Variants in EYA1 observed in about 807,000 individuals in gnomAD.
EYA1 encodes the protein EYA transcriptional coactivator and phosphatase 1, also known as protein phosphatase EYA1.
In EYA1, 16 loss-of-function variants were observed where a neutral mutation model predicts 82.0. The observed-to-expected ratio is 0.20, with a 90% CI of 0.13 to 0.30. The LOEUF (loss-of-function observed/expected upper bound fraction) is 0.30. EYA1 is among the 10% of genes least tolerant of loss of function. The pLI is 1.00. For missense variants in EYA1, 633 were observed against 730.7 expected (o/e 0.87, Z 1.54); for synonymous variants, 261 against 264.4 (o/e 0.99, Z 0.12).
intron 2 of EYA1, among the ~76,000 whole-genome samples, chr8:71,435,890 C>T (rs1260596441): frequency 6.6e-6 from 1 of 152,026 alleles, no homozygotes; most frequent in Non-Finnish European, 1.5e-5. Flanking sequence ...TAATGTTTCT[C>T]CACTCCATTG....
At chr8:71,407,086 A>C (rs1169671949) in intron 2 of EYA1, among the ~76,000 whole-genome samples, 1 of 106,820 alleles carries the variant, frequency 9.4e-6, no homozygotes, top group Admixed American at 1.0e-4. Flanking sequence ...GAGCAGCCTA[A>C]CTGGGAGGCA....
At chr8:71,422,929 T>C (rs1235309309) in intron 2 of EYA1, among the ~76,000 whole-genome samples, 1 of 152,140 alleles carries the variant, frequency 6.6e-6, no homozygotes, top group Non-Finnish European at 1.5e-5. Context: ...TCACCTGCCT[T>C]TATTAGGAAC....
chr8:71,444,116 T>G (rs1242580816), intron 2 of EYA1, among the ~76,000 whole-genome samples: 1 of 152,194 alleles, frequency 6.6e-6, no homozygotes, highest in East Asian at 1.9e-4. Flanking sequence ...TTGTGTTTAT[T>G]TACCCACCTA....
At chr8:71,371,496 A>G (rs1828078125) in intron 2 of EYA1, among the ~76,000 whole-genome samples, 1 of 152,196 alleles carries the variant, frequency 6.6e-6, no homozygotes, top group Non-Finnish European at 1.5e-5. Flanking sequence ...TGATCACTCT[A>G]AAGTAAAAAT....
chr8:71,494,048 G>C (rs1168890916), intron 2 of EYA1, among the ~76,000 whole-genome samples: 1 of 113,334 alleles, frequency 8.8e-6, no homozygotes, highest in East Asian at 2.5e-4. Context: ...AAAAAAAAGA[G>C]GCTTTTTATG....
chr8:71,294,411 G>C (rs1421274470), intron 9 of EYA1, among the ~76,000 whole-genome samples: 1 of 152,106 alleles, frequency 6.6e-6, no homozygotes, highest in Non-Finnish European at 1.5e-5. Flanking sequence ...AGTGAGCCGA[G>C]ATAGCGCCAC....
At chr8:71,491,871 C>CGGTATT (rs1811020208) in intron 2 of EYA1, among the ~76,000 whole-genome samples, 1 of 152,074 alleles carries the variant, frequency 6.6e-6, no homozygotes. Flanking sequence ...CTGAATATAG[C>CGGTATT]CAACACAATT....
chr8:71,264,175 T>C (rs528291783), intron 11 of EYA1, among the ~76,000 whole-genome samples: 8 of 152,346 alleles, frequency 5.3e-5, no homozygotes, highest in Admixed American at 1.3e-4. Context: ...ACTGGTGTCC[T>C]ACTGCTCTGG....
intron 9 of EYA1, among the ~76,000 whole-genome samples, chr8:71,276,244 C>T (rs1817156822): frequency 6.6e-6 from 1 of 152,148 alleles, no homozygotes; most frequent in African/African-American, 2.4e-5. Context: ...GGACAGGCAG[C>T]CAGTTGATGG....
chr8:71,302,562 C>T (rs1263959043), intron 7 of EYA1, among the ~76,000 whole-genome samples: 1 of 100,848 alleles, frequency 9.9e-6, no homozygotes, highest in Non-Finnish European at 2.6e-5. Context: ...TTAATGGCAC[C>T]CCAGTGGCTT....
chr8:71,406,521 C>T (rs565667686), intron 2 of EYA1, among the ~76,000 whole-genome samples: 5 of 152,238 alleles, frequency 3.3e-5, no homozygotes, highest in South Asian at 2.1e-4. Flanking sequence ...GTGTGTGCAC[C>T]GTGTGCGAGC....
chr8:71,269,848 G>C (rs1816302434), intron 10 of EYA1, 25 bp from the exon 11 acceptor site: 1 of 1,583,040 alleles, frequency 6.3e-7, no homozygotes, highest in African/African-American at 1.3e-5. Context: ...CCAAATCAAT[G>C]TGTCTTTGCC....
At chr8:71,506,354 C>A (rs1812192730) in intron 2 of EYA1, among the ~76,000 whole-genome samples, 2 of 152,178 alleles carry the variant, frequency 1.3e-5, no homozygotes, top group African/African-American at 4.8e-5. Flanking sequence ...CTCAAGGCTC[C>A]ATTTAACTTG....
At chr8:71,251,438 A>G (rs1397126571) in intron 11 of EYA1, among the ~76,000 whole-genome samples, 1 of 152,212 alleles carries the variant, frequency 6.6e-6, no homozygotes, top group Non-Finnish European at 1.5e-5. Context: ...ACACACAGGA[A>G]TGAAATCTAA....
intron 17 of EYA1, among the ~76,000 whole-genome samples, chr8:71,202,973 G>A (rs1464678402): frequency 6.6e-6 from 1 of 152,154 alleles, no homozygotes; most frequent in Non-Finnish European, 1.5e-5. Context: ...ATTTATAAAA[G>A]CTTCTCAGGA....
chr8:71,261,603 C>T lies in EYA1; in HGVS notation c.1050+8137G>A, dbSNP rs192909928. On this transcript the variant is annotated intron_variant, in intron 11 of 17. Coordinates refer to ENST00000340726, the MANE Select transcript of EYA1 (RefSeq NM_000503.6). The stretch of plus-strand genomic sequence containing the variant: ...CCCTTTCAACACCATGAAAATAATA[C>T]TCAAGTAGAGAATAAGAGAAAGAAC... Among the ~76,000 whole-genome samples the T allele has an allele frequency of 7.9e-5, 12 of 152,258 alleles. No individual in the cohort carries two copies. In the East Asian group the frequency reaches 2.1e-3, roughly 27 times the overall value.
intron 2 of EYA1, among the ~76,000 whole-genome samples, chr8:71,474,164 T>C (rs1338139202): frequency 1.3e-5 from 2 of 149,888 alleles, no homozygotes; most frequent in African/African-American, 4.9e-5. Flanking sequence ...AACCTGCACG[T>C]TCTGCACATG....
chr8:71,438,597 T>C (rs1457462390), intron 2 of EYA1, among the ~76,000 whole-genome samples: 1 of 152,096 alleles, frequency 6.6e-6, no homozygotes, highest in Non-Finnish European at 1.5e-5. Context: ...GACGAAATGA[T>C]AGGTGATGCC....
intron 9 of EYA1, among the ~76,000 whole-genome samples, chr8:71,296,478 A>T (rs1428513173): frequency 6.6e-6 from 1 of 151,248 alleles, no homozygotes; most frequent in Non-Finnish European, 1.5e-5. Context: ...AGCATGAGAT[A>T]AATATCACAT....
Sources: allele counts gnomAD v4.1 joint callset (sites outside exome capture counted in the v4.1 genomes callset), GRCh38; gene constraint gnomAD v4.1.1; transcripts MANE v1.5; gene names NCBI Gene and HGNC (gene_info 2026-07-23, HGNC 2026-07-21).